Variants in OR51B5 observed in about 807,000 individuals in gnomAD.
OR51B5 encodes olfactory receptor family 51 subfamily B member 5, also known as olfactory receptor 51B5.
For synonymous variants in OR51B5, 186 were observed against 144.8 expected, an observed-to-expected ratio of 1.28 and a Z score of -2.04; for missense variants, 456 against 374.6, an observed-to-expected ratio of 1.22 and a Z score of -1.79.
At chr11:5,352,914 C>T (rs1266440935) in intron 1 of OR51B5, among the ~76,000 whole-genome samples, 1 of 147,520 alleles carries the variant, frequency 6.8e-6, no homozygotes, top group Non-Finnish European at 1.5e-5. Context: ...TATATATGAA[C>T]CAATTATATA....
intron 1 of OR51B5, chr11:5,391,078 G>C (rs1200957663): frequency 6.6e-6 from 1 of 152,174 alleles, no homozygotes; most frequent in Non-Finnish European, 1.5e-5. Context: ...TTTACTTGTA[G>C]GTGTTTTAGT....
intron 1 of OR51B5, among the ~76,000 whole-genome samples, chr11:5,375,417 T>G (rs974736855): frequency 1.4e-5 from 2 of 140,626 alleles, no homozygotes; most frequent in African/African-American, 2.6e-5. Context: ...AGGAAGAAAC[T>G]GCATCAACTA....
chr11:5,356,078 T>G (rs1437111706), intron 1 of OR51B5, among the ~76,000 whole-genome samples: 1 of 151,944 alleles, frequency 6.6e-6, no homozygotes, highest in East Asian at 1.9e-4. Context: ...CCTCTCCTCC[T>G]CCAAAGGAAT....
chr11:5,360,420 A>G (rs77270291), intron 1 of OR51B5, among the ~76,000 whole-genome samples: 55,226 of 148,350 alleles, frequency 0.37, 10,609 homozygotes, highest in Non-Finnish European at 0.4. Flanking sequence ...TCAGAGAAAT[A>G]CAAATCAAAA....
chr11:5,362,424 A>G (rs557065652), intron 1 of OR51B5, among the ~76,000 whole-genome samples: 22 of 152,344 alleles, frequency 1.4e-4, no homozygotes, highest in Non-Finnish European at 2.5e-4. Context: ...AATTGTGAAC[A>G]TTAGTTGTTG....
chr11:5,343,451 A>ATCCAGTGATGAGCTTCCT (rs776450308), exon 1 of OR51B5: 10 of 1,596,114 alleles, frequency 6.3e-6, no homozygotes, highest in Middle Eastern at 1.7e-4. Flanking sequence ...AAATACGGAA[A>ATCCAGTGATGAGCTTCCT]TCCAGTGATG....
intron 1 of OR51B5, among the ~76,000 whole-genome samples, chr11:5,480,066 T>A (rs1033551148): frequency 6.6e-6 from 1 of 151,868 alleles, no homozygotes; most frequent in African/African-American, 2.4e-5. Context: ...TACATTTTTT[T>A]CAGCACCACA....
At chr11:5,378,857 C>T (rs11037105) in intron 1 of OR51B5, among the ~76,000 whole-genome samples, 1 of 147,712 alleles carries the variant, frequency 6.8e-6, no homozygotes, top group South Asian at 2.2e-4. Flanking sequence ...CTTTTACACT[C>T]TTGGTGGGAC....
At chr11:5,361,719 C>T (rs1849287836) in intron 1 of OR51B5, among the ~76,000 whole-genome samples, 1 of 151,298 alleles carries the variant, frequency 6.6e-6, no homozygotes, top group South Asian at 2.1e-4. Context: ...AGGGAAAATC[C>T]TAGATCTCCT....
intron 1 of OR51B5, among the ~76,000 whole-genome samples, chr11:5,475,218 T>C (rs11601592): frequency 1.3e-5 from 2 of 152,194 alleles, no homozygotes; most frequent in African/African-American, 4.8e-5. Context: ...CAATATTAAG[T>C]CAACTTTCAT....
chr11:5,342,812 G>A (rs756049791), exon 1 of OR51B5: 5 of 1,613,540 alleles, frequency 3.1e-6, no homozygotes, highest in Non-Finnish European at 4.2e-6. Flanking sequence ...GGAGACACAG[G>A]TAATGAGAGC....
At chr11:5,445,548 T>C (rs924799175) in intron 1 of OR51B5, among the ~76,000 whole-genome samples, 43 of 151,990 alleles carry the variant, frequency 2.8e-4, no homozygotes, top group African/African-American at 9.9e-4. Flanking sequence ...TCAGCACTTA[T>C]AGTATACAGA....
At chr11:5,457,020 C>T (rs957448442) in intron 1 of OR51B5, among the ~76,000 whole-genome samples, 1 of 152,180 alleles carries the variant, frequency 6.6e-6, no homozygotes, top group African/African-American at 2.4e-5. Context: ...GAGCCTATGC[C>T]AGCATCATGC....
At chr11:5,452,649 G>T (rs11037487) in intron 1 of OR51B5, among the ~76,000 whole-genome samples, 1 of 150,736 alleles carries the variant, frequency 6.6e-6, no homozygotes, top group Admixed American at 6.7e-5. Context: ...CTATGAATGA[G>T]CTTTCTTACT....
At chr11:5,456,112 G>A (rs1442212476) in intron 1 of OR51B5, 5 of 152,152 alleles carry the variant, frequency 3.3e-5, no homozygotes, top group Non-Finnish European at 7.3e-5. Context: ...GCTTAGGGAA[G>A]CCGCCAAATG....
chr11:5,369,895 G>C (rs953746078), intron 1 of OR51B5, among the ~76,000 whole-genome samples: 1 of 152,144 alleles, frequency 6.6e-6, no homozygotes, highest in East Asian at 1.9e-4. Flanking sequence ...TGACCTCATT[G>C]GTTTTGCTAT....
intron 1 of OR51B5, among the ~76,000 whole-genome samples, chr11:5,361,625 G>A (rs1036224944): frequency 2.0e-5 from 3 of 152,038 alleles, no homozygotes; most frequent in African/African-American, 4.8e-5. Context: ...GATGTGATGG[G>A]GTATAAGAAT....
At chr11:5,488,445 G>C (rs1268306925) in intron 1 of OR51B5, among the ~76,000 whole-genome samples, 1 of 152,096 alleles carries the variant, frequency 6.6e-6, no homozygotes, top group Non-Finnish European at 1.5e-5. Flanking sequence ...AGTTTGAGAA[G>C]ACTAATAAAT....
chr11:5,501,936 G>C (rs1465055029), intron 1 of OR51B5, among the ~76,000 whole-genome samples: 1 of 120,756 alleles, frequency 8.3e-6, no homozygotes, highest in Non-Finnish European at 2.0e-5. Flanking sequence ...ACCCCCGACA[G>C]GCCCGGTGTG....
Sources: allele counts gnomAD v4.1 joint callset (sites outside exome capture counted in the v4.1 genomes callset), GRCh38; gene constraint gnomAD v4.1.1; transcripts MANE v1.5; gene names NCBI Gene and HGNC (gene_info 2026-07-23, HGNC 2026-07-21).